GRM8: variants seen among roughly 807,000 people sequenced by gnomAD.
GRM8 encodes metabotropic glutamate receptor 8.
In GRM8, 47 loss-of-function variants were observed where a neutral mutation model predicts 87.2. That is an observed-to-expected ratio of 0.54 (90% CI 0.43 to 0.69). The LOEUF (loss-of-function observed/expected upper bound fraction) is 0.69. Ranked by LOEUF, GRM8 falls within the 30% of genes least tolerant of loss-of-function variation. The probability of loss-of-function intolerance (pLI) is 0.00; values close to 1 mark genes in which losing one functional copy is unlikely to be tolerated. For synonymous variants in GRM8, 396 were observed against 404.5 expected, an observed-to-expected ratio of 0.98 and a Z score of 0.25; for missense variants, 1,019 against 1,139.2, an observed-to-expected ratio of 0.89 and a Z score of 1.52.
intron 3 of GRM8, among the ~76,000 whole-genome samples, chr7:126,914,877 C>A (rs1333878944): frequency 6.6e-6 from 1 of 152,104 alleles, no homozygotes; most frequent in Non-Finnish European, 1.5e-5. Flanking sequence ...CACAAGTATA[C>A]CCCTGTAACA....
At chr7:126,979,515 A>G (rs1278101738) in intron 3 of GRM8, among the ~76,000 whole-genome samples, 4 of 152,208 alleles carry the variant, frequency 2.6e-5, no homozygotes, top group Non-Finnish European at 4.4e-5. Context: ...AAGCATTTAT[A>G]TGAGCCTAGT....
At chr7:126,650,602 G>A (rs1362548994) in intron 7 of GRM8, among the ~76,000 whole-genome samples, 2 of 152,076 alleles carry the variant, frequency 1.3e-5, no homozygotes, top group Admixed American at 6.5e-5. Flanking sequence ...GATGGTCAGG[G>A]ACTTGGAAGA....
intron 1 of GRM8, among the ~76,000 whole-genome samples, chr7:127,244,258 G>A (rs942391986): frequency 6.6e-6 from 1 of 152,086 alleles, no homozygotes; most frequent in Non-Finnish European, 1.5e-5. Context: ...CAGTTCTGAG[G>A]GAAACATGCC....
intron 6 of GRM8, among the ~76,000 whole-genome samples, chr7:126,849,020 A>G (rs1357612419): frequency 6.6e-6 from 1 of 152,100 alleles, no homozygotes; most frequent in Admixed American, 6.6e-5. Flanking sequence ...TCCCCCTTAT[A>G]AAACCATCAG....
chr7:126,596,792 T>C (rs1797242813), intron 8 of GRM8, among the ~76,000 whole-genome samples: 5 of 152,132 alleles, frequency 3.3e-5, no homozygotes, highest in Admixed American at 2.6e-4. Context: ...GATTGATAGA[T>C]TATATAAATG....
chr7:127,059,239 G>T (rs1820345514), intron 3 of GRM8, among the ~76,000 whole-genome samples: 2 of 151,784 alleles, frequency 1.3e-5, no homozygotes, highest in Non-Finnish European at 1.5e-5. Context: ...GGACAAGTTG[G>T]ACATGTGGGA....
intron 6 of GRM8, among the ~76,000 whole-genome samples, chr7:126,771,638 T>C (rs934392782): frequency 1.1e-4 from 16 of 152,256 alleles, no homozygotes; most frequent in African/African-American, 3.8e-4. Flanking sequence ...ATTTTGGAAG[T>C]TAGCTTTTTG....
intron 6 of GRM8, among the ~76,000 whole-genome samples, chr7:126,801,741 A>T (rs1822725369): frequency 6.6e-6 from 1 of 152,126 alleles, no homozygotes. Context: ...GTCCCCTCTC[A>T]TAGTAAGAAG....
At chr7:126,878,345 T>C (rs1329277582) in intron 6 of GRM8, among the ~76,000 whole-genome samples, 1 of 151,890 alleles carries the variant, frequency 6.6e-6, no homozygotes, top group Non-Finnish European at 1.5e-5. Context: ...GAGTTCAGAG[T>C]CCTCCAGAAG....
At chr7:126,465,696 A>G (rs2150534148) in intron 9 of GRM8, among the ~76,000 whole-genome samples, 1 of 151,978 alleles carries the variant, frequency 6.6e-6, no homozygotes, top group Admixed American at 6.6e-5. Flanking sequence ...TGATTCTAAT[A>G]GTTTATCTGT....
chr7:127,214,750 T>C (rs1201590571), intron 2 of GRM8, among the ~76,000 whole-genome samples: 2 of 152,208 alleles, frequency 1.3e-5, no homozygotes, highest in African/African-American at 4.8e-5. Context: ...AGGTGGGGAA[T>C]TACAATTCGA....
chr7:126,784,760 G>C (rs1270441022), intron 6 of GRM8, among the ~76,000 whole-genome samples: 3 of 151,530 alleles, frequency 2.0e-5, no homozygotes, highest in African/African-American at 7.3e-5. Flanking sequence ...GAAAACTGAA[G>C]CTCAGGTTAA....
chr7:127,002,355 A>T (rs530402678), intron 3 of GRM8, among the ~76,000 whole-genome samples: 1 of 151,828 alleles, frequency 6.6e-6, no homozygotes, highest in South Asian at 2.1e-4. Flanking sequence ...TTTAAGGATA[A>T]GCAGAATACC....
intron 2 of GRM8, among the ~76,000 whole-genome samples, chr7:127,132,585 G>C (rs1827746162): frequency 6.6e-6 from 1 of 152,032 alleles, no homozygotes; most frequent in African/African-American, 2.4e-5. Context: ...TAGTGTGTGG[G>C]AGAGATGAAA....
chr7:127,058,146 A>T (rs1489727291), intron 3 of GRM8: 1 of 522,738 alleles, frequency 1.9e-6, no homozygotes, highest in Non-Finnish European at 3.9e-6. Context: ...TGCCATCACA[A>T]CACATCATCG....
chr7:126,766,670 C>T (rs776180711), intron 7 of GRM8, among the ~76,000 whole-genome samples: 2 of 151,936 alleles, frequency 1.3e-5, no homozygotes, highest in African/African-American at 2.4e-5. Context: ...TTTTTGTTGT[C>T]GTGTATAGTA....
chr7:126,552,157 A>G (rs1585032008), intron 8 of GRM8, among the ~76,000 whole-genome samples: 1 of 152,094 alleles, frequency 6.6e-6, no homozygotes, highest in African/African-American at 2.4e-5. Context: ...TTTGTCCCCG[A>G]TCACTTGAAT....
At chr7:126,959,419 T>C (rs1281871578) in intron 3 of GRM8, among the ~76,000 whole-genome samples, 1 of 152,198 alleles carries the variant, frequency 6.6e-6, no homozygotes, top group Non-Finnish European at 1.5e-5. Context: ...AAGGAGATGA[T>C]TTAAAGACTA....
intron 2 of GRM8, among the ~76,000 whole-genome samples, chr7:127,199,271 T>C (rs1795463874): frequency 6.6e-6 from 1 of 152,236 alleles, no homozygotes; most frequent in Non-Finnish European, 1.5e-5. Context: ...CTAGAATGGA[T>C]TTTCAACTCT....
Sources: gnomAD v4.1 joint callset for allele counts (sites outside exome capture counted in the v4.1 genomes callset) on GRCh38, gnomAD v4.1.1 for gene constraint, MANE v1.5 for transcripts, NCBI Gene and HGNC (gene_info 2026-07-23, HGNC 2026-07-21) for gene names.